The following TMPRSS13 variants were observed in gnomAD, a reference collection of about 807,000 sequenced individuals.
TMPRSS13 encodes the protein transmembrane protease serine 13.
TMPRSS13 carries 50 observed loss-of-function variants against 68.4 expected under a neutral mutation model. The observed-to-expected ratio is 0.73, with a 90% CI of 0.58 to 0.93. TMPRSS13 has a LOEUF of 0.93. TMPRSS13 is among the 40% of genes least tolerant of loss of function. TMPRSS13 has a pLI of 0.00. For synonymous variants in TMPRSS13, 267 were observed against 285.8 expected (o/e 0.93, Z 0.66); for missense variants, 615 against 729.2 (o/e 0.84, Z 1.80).
chr11:117,920,781 A>T (rs1224477585), intron 1 of TMPRSS13, among the ~76,000 whole-genome samples: 1 of 152,068 alleles, frequency 6.6e-6, no homozygotes, highest in East Asian at 1.9e-4. Flanking sequence ...GAGCCACCAG[A>T]CCACACCCAG....
chr11:117,903,547 T>C (rs780648124), intron 12 of TMPRSS13, 108 bp downstream of exon 12: 1 of 1,579,768 alleles, frequency 6.3e-7, no homozygotes, highest in Admixed American at 1.8e-5. Flanking sequence ...CCCCCGAATA[T>C]GGGGACGCTG....
At chr11:117,905,913 C>T (rs548645453) in intron 9 of TMPRSS13, among the ~76,000 whole-genome samples, 177 bp from the exon 10 acceptor site, 4 of 152,286 alleles carry the variant, frequency 2.6e-5, no homozygotes, top group South Asian at 4.1e-4. Flanking sequence ...ACATGAAACT[C>T]GATCACTTTA....
Position 117,911,836 on chromosome 11 carries a change from G to C in TMPRSS13, c.834C>G (p.Ala278=). Residue 278 remains alanine, a synonymous_variant, in exon 6 of 13, where the codon GCC becomes GCG. Transcript: ENST00000524993. ...AGAAGCTGTTGGCAAAATCCCTGTG[G>C]GCAACCTCGGTTGTCCGGTGAGCAC... is the stretch of plus-strand genomic sequence containing the variant. ...FESAHRTTEV[A]HRDFANSFSI... 1 of 1,614,024 alleles carries C rather than the reference G, an allele frequency of 6.2e-7. No individual in the cohort carries two copies. The highest frequency in any genetic ancestry group is 8.5e-7 in the Non-Finnish European group (1 of 1,179,994).
At chr11:117,907,331 G>C (rs1382745692) in intron 9 of TMPRSS13, 1 of 152,434 alleles carries the variant, frequency 6.6e-6, no homozygotes, top group African/African-American at 2.4e-5. Context: ...TGTCGTGTCG[G>C]GGCGTGGCTA....
chr11:117,905,956 G>T lies in TMPRSS13; in HGVS notation c.1283-220C>A, dbSNP rs570580297. 1.4e-4 allele frequency among the ~76,000 whole-genome samples: 22 copies of T among 152,300 alleles called. 1 individual carries two copies. Among genetic ancestry groups the T allele is most frequent in the African/African-American group, 5.3e-4 (22 of 41,552 alleles). On this transcript the variant is annotated intron_variant, in intron 9 of 12. Transcript: ENST00000524993. ...CCACCAGCATTTGGGGGCTACCAGA[G>T]TCCTCAAAGCCGTTCTGATTTCAGT...
intron 6 of TMPRSS13, 23 bp downstream of exon 6, chr11:117,911,745 G>C: frequency 6.2e-7 from 1 of 1,603,980 alleles, no homozygotes; most frequent in South Asian, 1.1e-5. Flanking sequence ...TCACAAACAG[G>C]CAGCCTGCCT....
At chr11:117,913,643 T>C in intron 5 of TMPRSS13, 134 bp downstream of exon 5, 1 of 1,145,580 alleles carries the variant, frequency 8.7e-7, no homozygotes, top group Non-Finnish European at 1.2e-6. Context: ...CTCGAGGGTG[T>C]CCAGAGCTAG....
chr11:117,914,992 C>T lies in TMPRSS13; in HGVS notation c.557-478G>A, dbSNP rs1326391164. Among the ~76,000 whole-genome samples, 1 of 152,162 alleles carries T rather than the reference C, an allele frequency of 6.6e-6. No individual in the cohort carries two copies. Among genetic ancestry groups the T allele is most frequent in the East Asian group, 1.9e-4 (1 of 5,200 alleles). On this transcript the variant is annotated intron_variant, in intron 3 of 12. Transcript: ENST00000524993. This position sits in a 1 kb window ranked among gnomAD's most constrained non-coding sequence, Gnocchi z 4.2. ...ACCGTCTGTCTGTTCTCAAAGGCGA[C>T]CATCCTTCCAGCCTCAAAAGCTCCT...
At position 117,918,481 on chromosome 11, in the gene TMPRSS13, C is replaced by A. The variant is rs374031454; in HGVS notation, c.379G>T (p.Val127Leu). 1.9e-6 allele frequency: 3 copies of A among 1,614,122 alleles called. No homozygotes were observed. Among genetic ancestry groups the A allele is most frequent in the African/African-American group, 1.3e-5 (1 of 74,942 alleles). The change falls in exon 2 of 13, where the codon GTG (valine) becomes TTG (leucine). Residue 127 changes from valine to leucine, a missense_variant. Coordinates refer to ENST00000524993, the MANE Select transcript of TMPRSS13 (RefSeq NM_001077263.3). ...TRVYLVRATP[V>L]GAVPIRSSPA... Reference sequence around the variant, plus strand: ...GATGATCGGATGGGTACAGCCCCCACTGGTGTTGCTCTAACAAGGTACACT... The same window carrying A: ...GATGATCGGATGGGTACAGCCCCCAATGGTGTTGCTCTAACAAGGTACACT...
chr11:117,918,106 G>C (rs1039001628), intron 2 of TMPRSS13, among the ~76,000 whole-genome samples: 2 of 152,162 alleles, frequency 1.3e-5, no homozygotes, highest in African/African-American at 4.8e-5. Flanking sequence ...GACTAACTGG[G>C]AGACCTTGCT....
In TMPRSS13 at chr11:117,904,073, C is replaced by T. The variant is rs1276152144; in HGVS notation, c.1410G>A (p.Val470=). 3.1e-6 allele frequency: 5 copies of T among 1,613,968 alleles called. No homozygotes were observed. In the South Asian group the frequency reaches 5.5e-5, roughly 18 times the overall value. ...DDKTSPFLRE[V]QVNLIDFKKC... is the part of the protein sequence containing the mutation. The stretch of plus-strand genomic sequence containing the variant: ...TCTTGAAGTCGATGAGATTGACCTG[C>T]ACCTCCCGGAGGAAGGGGGATGTCT... Residue 470 remains valine (V), a synonymous_variant, in exon 11 of 13, where the codon GTG becomes GTA. Coordinates refer to ENST00000524993, the MANE Select transcript of TMPRSS13 (RefSeq NM_001077263.3).
In TMPRSS13 at chr11:117,929,139, T is replaced by C. The variant is rs1170947426; in HGVS notation, c.21+148A>G. The C allele has an allele frequency of 6.6e-5, 39 of 590,656 alleles. No homozygotes were observed. The East Asian group carries it at 1.3e-3, about 20-fold the overall frequency. The allele number at this position is 590,656 out of a possible 1,614,324, so 36.6% of individuals were successfully genotyped here. A position where few individuals can be genotyped will look rare whatever the true frequency, so the allele number is the denominator to read the frequency against. On this transcript the variant is annotated intron_variant, in intron 1 of 12. Transcript: ENST00000524993. ...ACGTTAAAAGGAGACCAAGAGATCT[T>C]GATCGTAAGTAGCTTCAAACTAGAA...
intron 7 of TMPRSS13, 77 bp downstream of exon 7, chr11:117,910,630 C>T: frequency 1.4e-6 from 2 of 1,445,252 alleles, no homozygotes; most frequent in Non-Finnish European, 1.9e-6. Context: ...CCAAACACCT[C>T]CCTTGGAGGA....
At position 117,914,377 on chromosome 11, in the gene TMPRSS13, A is replaced by C. The variant is rs1201909328; in HGVS notation, c.679+15T>G. 1 of 1,612,996 alleles carries C rather than the reference A, an allele frequency of 6.2e-7. No homozygotes were observed. Among genetic ancestry groups the C allele is most frequent in the East Asian group, 2.2e-5 (1 of 44,860 alleles). ...CATGCACACGCACGCGCTCCCCCGC[A>C]CCCAGCCTCCTTACCGCAGCCCAGC... On this transcript the variant is annotated intron_variant, in intron 4 of 12. Coordinates refer to ENST00000524993, the MANE Select transcript of TMPRSS13 (RefSeq NM_001077263.3). This position sits in a 1 kb window ranked among gnomAD's most constrained non-coding sequence, Gnocchi z 4.2.
intron 1 of TMPRSS13, among the ~76,000 whole-genome samples, chr11:117,926,374 C>T (rs1038510461): frequency 7.2e-5 from 11 of 152,156 alleles, no homozygotes; most frequent in East Asian, 3.9e-4. Flanking sequence ...TGACTTGACC[C>T]GCGGGTGAGC....
At chr11:117,926,702 C>G (rs772066986) in intron 1 of TMPRSS13, among the ~76,000 whole-genome samples, 1 of 152,176 alleles carries the variant, frequency 6.6e-6, no homozygotes. Context: ...TATGTAATTC[C>G]AGACTGTCAG....
chr11:117,905,289 C>T (rs1037400205), intron 10 of TMPRSS13, among the ~76,000 whole-genome samples: 1 of 152,016 alleles, frequency 6.6e-6, no homozygotes, highest in Non-Finnish European at 1.5e-5. Flanking sequence ...CTCCCCAAGC[C>T]ACCTAAATCC....
intron 5 of TMPRSS13, 41 bp downstream of exon 5, chr11:117,913,736 C>T (rs1399590481): frequency 6.2e-7 from 1 of 1,606,284 alleles, no homozygotes; most frequent in Non-Finnish European, 8.5e-7. Context: ...GAGCCTGAGA[C>T]ATCCCTGAAG....
At chr11:117,921,933 A>G (rs1388717680) in intron 1 of TMPRSS13, among the ~76,000 whole-genome samples, 1 of 151,948 alleles carries the variant, frequency 6.6e-6, no homozygotes, top group African/African-American at 2.4e-5. Flanking sequence ...TCCCCGCTCC[A>G]CCCCCTGACT....
Sources: gnomAD v4.1 joint callset for allele counts (sites outside exome capture counted in the v4.1 genomes callset) on GRCh38, gnomAD v4.1.1 for gene constraint, Gnocchi (gnomAD v3.1) non-coding constraint, MANE v1.5 for transcripts, NCBI Gene and HGNC (gene_info 2026-07-23, HGNC 2026-07-21) for gene names.